Variants in BNC2 observed in about 807,000 individuals in gnomAD.
BNC2 encodes zinc finger protein basonuclin-2.
A neutral mutation model predicts 76.3 loss-of-function variants in BNC2; 20 were observed. That is an observed-to-expected ratio of 0.26 (90% CI 0.18 to 0.38). The LOEUF (loss-of-function observed/expected upper bound fraction) is 0.38, where lower values mean the gene tolerates loss of function less well. BNC2 is among the 10% of genes least tolerant of loss of function. BNC2 has a pLI of 1.00. For missense variants in BNC2, 1,382 were observed against 1,399.8 expected (o/e 0.99, Z 0.20); for synonymous variants, 582 against 514.8 (o/e 1.13, Z -1.77).
intron 3 of BNC2, among the ~76,000 whole-genome samples, chr9:16,674,481 G>A (rs917043328): frequency 6.6e-6 from 1 of 152,136 alleles, no homozygotes; most frequent in Non-Finnish European, 1.5e-5. Context: ...TTTTAGTTTA[G>A]TCATTTTACA....
chr9:16,766,505 T>G (rs1421402423), intron 1 of BNC2, among the ~76,000 whole-genome samples: 1 of 152,198 alleles, frequency 6.6e-6, no homozygotes, highest in Non-Finnish European at 1.5e-5. Context: ...AACCACTTAA[T>G]GAAAAATTTC....
chr9:16,841,831 C>T (rs1355833000), intron 1 of BNC2, among the ~76,000 whole-genome samples: 1 of 9,524 alleles, frequency 1.0e-4, no homozygotes, highest in African/African-American at 1.7e-4. Flanking sequence ...TTTTTTGAGA[C>T]AGAGTTTCAC....
chr9:16,739,636 C>T (rs1173650933), intron 1 of BNC2, among the ~76,000 whole-genome samples: 1 of 152,100 alleles, frequency 6.6e-6, no homozygotes, highest in Non-Finnish European at 1.5e-5. Flanking sequence ...TGTGCCATTG[C>T]ACTCCACCCT....
chr9:16,544,330 C>T (rs1366514640), intron 5 of BNC2, among the ~76,000 whole-genome samples: 1 of 152,034 alleles, frequency 6.6e-6, no homozygotes, highest in Non-Finnish European at 1.5e-5. Flanking sequence ...CCTGTGAGGT[C>T]AGATAATACC....
At chr9:16,557,665 T>C (rs1036236713) in intron 4 of BNC2, among the ~76,000 whole-genome samples, 3 of 152,062 alleles carry the variant, frequency 2.0e-5, no homozygotes, top group Non-Finnish European at 4.4e-5. Flanking sequence ...TGCTTAAGTA[T>C]CTCAGTGGGC....
chr9:16,603,469 A>G (rs1189502378), intron 3 of BNC2, among the ~76,000 whole-genome samples: 1 of 152,220 alleles, frequency 6.6e-6, no homozygotes, highest in Admixed American at 6.5e-5. Context: ...CTAACATCAC[A>G]CACCAAAAGT....
At chr9:16,766,887 A>C (rs929791102) in intron 1 of BNC2, among the ~76,000 whole-genome samples, 12 of 152,364 alleles carry the variant, frequency 7.9e-5, no homozygotes, top group African/African-American at 2.9e-4. Flanking sequence ...CCACACAAAA[A>C]AACAACTCCC....
intron 1 of BNC2, among the ~76,000 whole-genome samples, chr9:16,746,854 T>C (rs933649209): frequency 6.0e-5 from 9 of 150,692 alleles, no homozygotes; most frequent in African/African-American, 2.2e-4. Context: ...CCCAGCTACT[T>C]GGGAGGCTGA....
rs544604346 is a variant in BNC2 at position 16,653,828 on chromosome 9, C to T, written c.331-70743G>A. The stretch of plus-strand genomic sequence containing the variant: ...TCAGTGTAAAACAACAAACATGCAG[C>T]GTCTGACATGTTTCTAGGTGATTTG... On this transcript the variant is annotated intron_variant, in intron 3 of 6. Coordinates refer to ENST00000380672, the MANE Select transcript of BNC2 (RefSeq NM_017637.6). Among the ~76,000 whole-genome samples the T allele has an allele frequency of 5.3e-5, 8 of 152,248 alleles. No individual in the cohort carries two copies. The East Asian group carries it at 1.5e-3, about 29-fold the overall frequency.
At chr9:16,862,869 T>G (rs1457144768) in intron 1 of BNC2, among the ~76,000 whole-genome samples, 1 of 151,284 alleles carries the variant, frequency 6.6e-6, no homozygotes, top group East Asian at 1.9e-4. Context: ...TCACCAGCCT[T>G]AGATGACCAC....
intron 1 of BNC2, among the ~76,000 whole-genome samples, chr9:16,784,965 C>A (rs974721341): frequency 2.6e-5 from 4 of 152,124 alleles, no homozygotes; most frequent in Non-Finnish European, 4.4e-5. Context: ...AGTTTTTAAG[C>A]CCGTGAGACC....
intron 5 of BNC2, among the ~76,000 whole-genome samples, chr9:16,505,983 T>C (rs573555893): frequency 6.6e-6 from 1 of 152,160 alleles, no homozygotes; most frequent in African/African-American, 2.4e-5. Context: ...AAAAGCATAA[T>C]TGTAGCTTTC....
chr9:16,638,858 T>C (rs765712501), intron 3 of BNC2, among the ~76,000 whole-genome samples: 1 of 152,186 alleles, frequency 6.6e-6, no homozygotes, highest in Non-Finnish European at 1.5e-5. Context: ...AACCACTGGA[T>C]AGGATTTATG....
At chr9:16,636,258 C>T (rs1353455508) in intron 3 of BNC2, among the ~76,000 whole-genome samples, 1 of 152,052 alleles carries the variant, frequency 6.6e-6, no homozygotes, top group Non-Finnish European at 1.5e-5. Context: ...GAAGGTCTGA[C>T]CATCCATAGT....
At chr9:16,786,899 G>A (rs1407914851) in intron 1 of BNC2, among the ~76,000 whole-genome samples, 1 of 152,114 alleles carries the variant, frequency 6.6e-6, no homozygotes, top group African/African-American at 2.4e-5. Context: ...TGGTTGGGCA[G>A]GTTCTCCCCT....
chr9:16,559,667 C>T (rs887782375), intron 4 of BNC2, among the ~76,000 whole-genome samples: 1 of 152,192 alleles, frequency 6.6e-6, no homozygotes, highest in Non-Finnish European at 1.5e-5. Flanking sequence ...TCAAAGGTCA[C>T]CAACACCTGC....
At chr9:16,727,159 G>A (rs1051112026) in intron 3 of BNC2, 12 of 153,628 alleles carry the variant, frequency 7.8e-5, no homozygotes, top group Middle Eastern at 3.4e-3. Context: ...CGGAGCCGGC[G>A]AAGGGAATGC....
In BNC2 at chr9:16,690,935, C is replaced by T. The variant is rs894012195; in HGVS notation, c.330+36862G>A. On this transcript the variant is annotated intron_variant, in intron 3 of 6. Coordinates refer to ENST00000380672, the MANE Select transcript of BNC2 (RefSeq NM_017637.6). ...TCACTAAGGTTCACTCTTGCTCTTC[C>T]CTCAGGAGCTGATCCTCTGGGGTGA... 2.6e-5 allele frequency among the ~76,000 whole-genome samples: 4 copies of T among 151,914 alleles called. No individual in the cohort carries two copies. The East Asian group carries it at 7.7e-4, about 29-fold the overall frequency.
chr9:16,537,889 T>C (rs1048814943), intron 5 of BNC2, among the ~76,000 whole-genome samples: 7 of 152,188 alleles, frequency 4.6e-5, no homozygotes, highest in African/African-American at 1.4e-4. Context: ...TTTTATAAAG[T>C]TCCTTTTTAA....
Sources: gnomAD v4.1 joint callset for allele counts (sites outside exome capture counted in the v4.1 genomes callset) on GRCh38, gnomAD v4.1.1 for gene constraint, MANE v1.5 for transcripts, NCBI Gene and HGNC (gene_info 2026-07-23, HGNC 2026-07-21) for gene names.